GRID2IP: variants seen among roughly 807,000 people sequenced by gnomAD.
The protein encoded by GRID2IP is delphilin.
A neutral mutation model predicts 114.3 loss-of-function variants in GRID2IP; 78 were observed. That is an observed-to-expected ratio of 0.68 (90% CI 0.57 to 0.82). The LOEUF (loss-of-function observed/expected upper bound fraction) is 0.82, where lower values mean the gene tolerates loss of function less well. Ranked by LOEUF, GRID2IP falls within the 40% of genes least tolerant of loss-of-function variation. The pLI, the probability that GRID2IP is intolerant of heterozygous loss-of-function variation, is 0.00. For synonymous variants in GRID2IP, 809 were observed against 724.0 expected (o/e 1.12, Z -1.89); for missense variants, 1,727 against 1,678.5 (o/e 1.03, Z -0.51).
intron 1 of GRID2IP, among the ~76,000 whole-genome samples, chr7:6,543,115 C>A (rs1409292080): frequency 3.9e-5 from 6 of 152,194 alleles, no homozygotes; most frequent in African/African-American, 1.4e-4. Flanking sequence ...CCACTTCCGG[C>A]CGGGTGCGGT....
rs908708497 is a variant in GRID2IP at position 6,509,120 on chromosome 7, G to A, written c.1965C>T (p.Ser655=). 1 of 1,476,694 alleles carries A rather than the reference G, an allele frequency of 6.8e-7. No homozygotes were observed. Among genetic ancestry groups the A allele is most frequent in the African/African-American group, 1.4e-5 (1 of 71,228 alleles). 91.5% of individuals were successfully genotyped at this position (1,476,694 alleles called of 1,614,324 possible). A position where few individuals can be genotyped will look rare whatever the true frequency, so the allele number is the denominator to read the frequency against. The part of the protein sequence containing the change: ...PGPICPDSPP[S]PDPTRPPSRR... ...GGCTGGGCGGGCGGGTGGGGTCCGGGCTTGGGGGGCTGTCGGGGCAGATGG... is the reference window on the plus strand; with the variant it reads ...GGCTGGGCGGGCGGGTGGGGTCCGGACTTGGGGGGCTGTCGGGGCAGATGG... Residue 655 remains serine, a synonymous_variant, in exon 12 of 22, where the codon AGC becomes AGT. Coordinates refer to ENST00000457091, the MANE Select transcript of GRID2IP (RefSeq NM_001145118.2). The surrounding 1 kb of genome is among the most constrained non-coding windows in gnomAD (Gnocchi z 4.9).
chr7:6,536,736 G>A lies in GRID2IP; in HGVS notation c.584+2982C>T, dbSNP rs1462464094. The stretch of plus-strand genomic sequence containing the variant: ...TCCCCAGGAAGCGCTCAGAGCCAGC[G>A]CATCATCTCCGCGGCAAATTCGGCT... On this transcript the variant is annotated intron_variant, in intron 2 of 21. Coordinates refer to ENST00000457091, the MANE Select transcript of GRID2IP (RefSeq NM_001145118.2). The surrounding 1 kb of genome is among the most constrained non-coding windows in gnomAD (Gnocchi z 5.3). The A allele has an allele frequency of 4.3e-6, 3 of 695,698 alleles. No homozygotes were observed. In the African/African-American group the frequency reaches 5.3e-5, roughly 12 times the overall value. The allele number at this position is 695,698 out of a possible 1,614,324, so 43.1% of individuals were successfully genotyped here.
In GRID2IP at chr7:6,498,419, C is replaced by T. The variant is rs182850148; in HGVS notation, c.3400-191G>A. Among the ~76,000 whole-genome samples, 7 of 152,252 alleles carry T rather than the reference C, an allele frequency of 4.6e-5. No homozygotes were observed. In the East Asian group the frequency reaches 1.4e-3, roughly 29 times the overall value. On this transcript the variant is annotated intron_variant, in intron 20 of 21. Transcript: ENST00000457091. ...AGTCCCACTGGCCACTGAACTCATC[C>T]TGGAACTGGCCACAGCCAGTGCAGC... is the stretch of plus-strand genomic sequence containing the variant.
At position 6,496,927 on chromosome 7, in the gene GRID2IP, T is replaced by C. The variant is rs1342249023; in HGVS notation, c.*847A>G. On this transcript the variant is annotated 3_prime_UTR_variant, in exon 22 of 22. Coordinates refer to ENST00000457091, the MANE Select transcript of GRID2IP (RefSeq NM_001145118.2). ...GCCTAGGCACATGTAAAATGACCATTTGGGTCCCAAACACATCCCAGATTG... is the reference window on the plus strand; with the variant it reads ...GCCTAGGCACATGTAAAATGACCATCTGGGTCCCAAACACATCCCAGATTG... 1.3e-5 allele frequency among the ~76,000 whole-genome samples: 2 copies of C among 152,066 alleles called. No homozygotes were observed. Among genetic ancestry groups the C allele is most frequent in the South Asian group, 2.1e-4 (1 of 4,812 alleles).
At chr7:6,538,018 T>C (rs961045636) in intron 2 of GRID2IP, among the ~76,000 whole-genome samples, 2 of 152,062 alleles carry the variant, frequency 1.3e-5, no homozygotes, top group Non-Finnish European at 2.9e-5. Flanking sequence ...TCTTGGGTGA[T>C]TCAGTGAAAG....
rs1397735902 is a variant in GRID2IP at position 6,532,880 on chromosome 7, A to C, written c.585-6111T>G. ...CTCAGAGCCAGGTCTCCGTGGGCAC[A>C]GTGGGGCCAGCTGCTCATGCCTGTG... On this transcript the variant is annotated intron_variant, in intron 2 of 21. Transcript: ENST00000457091. This position sits in a 1 kb window ranked among gnomAD's most constrained non-coding sequence, Gnocchi z 4.4. 6.6e-6 allele frequency among the ~76,000 whole-genome samples: 1 copy of C among 152,202 alleles called. No homozygotes were observed. The highest frequency in any genetic ancestry group is 2.4e-5 in the African/African-American group (1 of 41,456).
chr7:6,509,163 G>A lies in GRID2IP; in HGVS notation c.1922C>T (p.Pro641Leu), dbSNP rs1019226503. 13 of 1,472,418 alleles carry A rather than the reference G, an allele frequency of 8.8e-6. No homozygotes were observed. In the Admixed American group the frequency reaches 1.6e-4, roughly 18 times the overall value. 91.2% of individuals were successfully genotyped at this position (1,472,418 alleles called of 1,614,324 possible). A position where few individuals can be genotyped will look rare whatever the true frequency, so the allele number is the denominator to read the frequency against. ...ASLDSSRAPS[P>L]QPGPGPICPD... ...GCAGATGGGCCCGGGGCCTGGCTGT[G>A]GGGAGGGTGCCCTGCTGCTGTCCAG... is the stretch of plus-strand genomic sequence containing the variant. The change falls in exon 12 of 22, where the codon CCA (proline) becomes CTA (leucine). Residue 641 changes from proline (P) to leucine (L), a missense_variant. Pro to Leu is a moderately conservative substitution (Grantham distance 98). Coordinates refer to ENST00000457091, the MANE Select transcript of GRID2IP (RefSeq NM_001145118.2). The surrounding 1 kb of genome is among the most constrained non-coding windows in gnomAD (Gnocchi z 4.9).
Position 6,508,877 on chromosome 7 carries a change from G to A in GRID2IP, c.2127+81C>T, listed in dbSNP as rs1786675246. The A allele has an allele frequency of 6.1e-6, 9 of 1,482,182 alleles. No individual in the cohort carries two copies. The highest frequency in any genetic ancestry group is 2.5e-5 in the East Asian group (1 of 40,050). 91.8% of individuals were successfully genotyped at this position (1,482,182 alleles called of 1,614,324 possible). On this transcript the variant is annotated intron_variant, in intron 12 of 21. Coordinates refer to ENST00000457091, the MANE Select transcript of GRID2IP (RefSeq NM_001145118.2). This position sits in a 1 kb window ranked among gnomAD's most constrained non-coding sequence, Gnocchi z 5.6. ...ATCCCAAGGGCAGCAGGCCCCTTGC[G>A]GGAGCCCAGGAACACTGTTGCCTTG...
rs1161492522 is a variant in GRID2IP at position 6,507,548 on chromosome 7, G to A, written c.2544+437C>T. ...AAGGATGGTTAAAATCGTCCAGTGAGGAAAGGAAGACCTTGACAGGTAGTG... is the reference window on the plus strand; with the variant it reads ...AAGGATGGTTAAAATCGTCCAGTGAAGAAAGGAAGACCTTGACAGGTAGTG... On this transcript the variant is annotated intron_variant, in intron 13 of 21. Coordinates refer to ENST00000457091, the MANE Select transcript of GRID2IP (RefSeq NM_001145118.2). The surrounding 1 kb of genome is among the most constrained non-coding windows in gnomAD (Gnocchi z 5.3). Among the ~76,000 whole-genome samples, 1 of 152,208 alleles carries A rather than the reference G, an allele frequency of 6.6e-6. No individual in the cohort carries two copies. Among genetic ancestry groups the A allele is most frequent in the Non-Finnish European group, 1.5e-5 (1 of 68,042 alleles).
Position 6,509,609 on chromosome 7 carries a change from G to A in GRID2IP, c.1772-296C>T, listed in dbSNP as rs1786703883. On this transcript the variant is annotated intron_variant, in intron 11 of 21. Transcript: ENST00000457091. This position sits in a 1 kb window ranked among gnomAD's most constrained non-coding sequence, Gnocchi z 4.9. ...ACTGAACACCATTAACTCAAAGGGTGGAGGGGTTTCTCTAGGGCCCAGAGC... is the reference window on the plus strand; with the variant it reads ...ACTGAACACCATTAACTCAAAGGGTAGAGGGGTTTCTCTAGGGCCCAGAGC... Among the ~76,000 whole-genome samples, 1 of 152,214 alleles carries A rather than the reference G, an allele frequency of 6.6e-6. No individual in the cohort carries two copies. Among genetic ancestry groups the A allele is most frequent in the Non-Finnish European group, 1.5e-5 (1 of 68,038 alleles).
chr7:6,515,799 T>G (rs779142960), intron 7 of GRID2IP, among the ~76,000 whole-genome samples: 2 of 148,270 alleles, frequency 1.3e-5, no homozygotes, highest in Non-Finnish European at 3.0e-5. Context: ...AATAAATAAA[T>G]AAACAAAAAT....
In GRID2IP at chr7:6,521,368, T is replaced by C; in HGVS notation, c.1084+61A>G. 8.1e-7 allele frequency: 1 copy of C among 1,231,780 alleles called. No individual in the cohort carries two copies. Among genetic ancestry groups the C allele is most frequent in the Non-Finnish European group, 1.1e-6 (1 of 882,764 alleles). The allele number at this position is 1,231,780 out of a possible 1,614,324, so 76.3% of individuals were successfully genotyped here. ...AGTCCTCCGCACTGTGACTCTCACA[T>C]ATAGCAGCCTGGGCAGGGTCTCTGG... On this transcript the variant is annotated intron_variant, in intron 6 of 21. Transcript: ENST00000457091. This position sits in a 1 kb window ranked among gnomAD's most constrained non-coding sequence, Gnocchi z 4.1.
Position 6,536,165 on chromosome 7 carries a change from G to A in GRID2IP, c.584+3553C>T, listed in dbSNP as rs1779719407. Among the ~76,000 whole-genome samples, 2 of 152,172 alleles carry A rather than the reference G, an allele frequency of 1.3e-5. No homozygotes were observed. Among genetic ancestry groups the A allele is most frequent in the African/African-American group, 4.8e-5 (2 of 41,454 alleles). On this transcript the variant is annotated intron_variant, in intron 2 of 21. Coordinates refer to ENST00000457091, the MANE Select transcript of GRID2IP (RefSeq NM_001145118.2). The surrounding 1 kb of genome is among the most constrained non-coding windows in gnomAD (Gnocchi z 5.3). The stretch of plus-strand genomic sequence containing the variant: ...GGTGACTGGCCAGCCCTGGGGAGGG[G>A]GTTGTTGGGAAGTAGGGGGTTTGAA...
rs1024560162 is a variant in GRID2IP at position 6,506,082 on chromosome 7, C to A, written c.2545-175G>T. ...GCAGGAGAAGCCAGATCATCCGAGT[C>A]ACCGGGTGCTGAGCCAGCGCCTCCT... On this transcript the variant is annotated intron_variant, in intron 13 of 21. Transcript: ENST00000457091. The surrounding 1 kb of genome is among the most constrained non-coding windows in gnomAD (Gnocchi z 5.2). 2.0e-5 allele frequency among the ~76,000 whole-genome samples: 3 copies of A among 152,220 alleles called. No individual in the cohort carries two copies. Among genetic ancestry groups the A allele is most frequent in the African/African-American group, 7.2e-5 (3 of 41,460 alleles).
At chr7:6,533,643 C>G in intron 2 of GRID2IP, among the ~76,000 whole-genome samples, 1 of 151,442 alleles carries the variant, frequency 6.6e-6, no homozygotes. Context: ...GGATTACAGG[C>G]AGGCACCACT....
chr7:6,504,017 A>T (rs1359548922), intron 15 of GRID2IP, among the ~76,000 whole-genome samples: 1 of 140,872 alleles, frequency 7.1e-6, no homozygotes, highest in African/African-American at 2.7e-5. Context: ...AGGTTGGCCC[A>T]GGATACAGCG....
chr7:6,521,367 A>T lies in GRID2IP; in HGVS notation c.1084+62T>A. The T allele has an allele frequency of 8.1e-7, 1 of 1,229,694 alleles. No homozygotes were observed. The highest frequency in any genetic ancestry group is 1.1e-6 in the Non-Finnish European group (1 of 880,456). The allele number at this position is 1,229,694 out of a possible 1,614,324, so 76.2% of individuals were successfully genotyped here. A position where few individuals can be genotyped will look rare whatever the true frequency, so the allele number is the denominator to read the frequency against. On this transcript the variant is annotated intron_variant, in intron 6 of 21. Coordinates refer to ENST00000457091, the MANE Select transcript of GRID2IP (RefSeq NM_001145118.2). This position sits in a 1 kb window ranked among gnomAD's most constrained non-coding sequence, Gnocchi z 4.1. Reference sequence around the variant, plus strand: ...GAGTCCTCCGCACTGTGACTCTCACATATAGCAGCCTGGGCAGGGTCTCTG... The same window carrying T: ...GAGTCCTCCGCACTGTGACTCTCACTTATAGCAGCCTGGGCAGGGTCTCTG...
At chr7:6,504,656 G>A (rs958001012) in intron 15 of GRID2IP, 137 bp downstream of exon 15, 6 of 674,998 alleles carry the variant, frequency 8.9e-6, no homozygotes, top group South Asian at 3.7e-5. Flanking sequence ...GGCCTGGGAG[G>A]GGGCCTTCAC....
chr7:6,514,951 C>CA (rs537586098), intron 7 of GRID2IP, among the ~76,000 whole-genome samples: 5,419 of 75,870 alleles, frequency 0.071, 142 homozygotes, highest in East Asian at 0.11. Flanking sequence ...GACTCCAACT[C>CA]AAAAAAAAAA....
Sources: allele counts gnomAD v4.1 joint callset (sites outside exome capture counted in the v4.1 genomes callset), GRCh38; gene constraint gnomAD v4.1.1; non-coding constraint Gnocchi (gnomAD v3.1); transcripts MANE v1.5; gene names NCBI Gene and HGNC (gene_info 2026-07-23, HGNC 2026-07-21).